SLC2A1: variants seen among roughly 807,000 people sequenced by gnomAD.
SLC2A1 encodes solute carrier family 2, facilitated glucose transporter member 1.
Under a neutral mutation model 46.6 loss-of-function variants are expected in SLC2A1, and 4 were observed. The observed-to-expected ratio is 0.09, with a 90% CI of 0.04 to 0.20. The LOEUF is 0.20. SLC2A1 is among the 10% of genes least tolerant of loss of function. The pLI, the probability that SLC2A1 is intolerant of heterozygous loss-of-function variation, is 1.00. For synonymous variants in SLC2A1, 253 were observed against 270.0 expected (o/e 0.94, Z 0.62); for missense variants, 352 against 667.0 (o/e 0.53, Z 5.20).
intron 1 of SLC2A1, among the ~76,000 whole-genome samples, chr1:42,953,870 C>T (rs374394954): frequency 6.6e-6 from 1 of 152,326 alleles, no homozygotes. Context: ...GGGCTGTTTA[C>T]ATCATTTGTA....
intron 1 of SLC2A1, among the ~76,000 whole-genome samples, chr1:42,945,639 T>C (rs1164678090): frequency 6.6e-6 from 1 of 151,210 alleles, no homozygotes; most frequent in African/African-American, 2.4e-5. Context: ...TCCCAACTAC[T>C]TGGGAGGCTG....
Position 42,930,532 on chromosome 1 carries a change from G to A in SLC2A1, c.516+94C>T, listed in dbSNP as rs1366236009. ...TCTGCAAGGCTGTGGGGGCTGGGCG[G>A]AAGAGAAACTCTGCCCTGCTGGGCA... On this transcript the variant is annotated intron_variant, in intron 4 of 9. Coordinates refer to ENST00000426263, the MANE Select transcript of SLC2A1 (RefSeq NM_006516.4). The surrounding 1 kb of genome is among the most constrained non-coding windows in gnomAD (Gnocchi z 6.2). The A allele has an allele frequency of 2.6e-6, 4 of 1,546,704 alleles. No homozygotes were observed. The highest frequency in any genetic ancestry group is 3.5e-6 in the Non-Finnish European group (4 of 1,131,592).
intron 8 of SLC2A1, among the ~76,000 whole-genome samples, chr1:42,928,253 T>G (rs988216005): frequency 1.3e-5 from 2 of 152,112 alleles, no homozygotes; most frequent in African/African-American, 4.8e-5. Context: ...GGTAGAAAAT[T>G]TATGGGCTTT....
At chr1:42,942,108 A>G (rs1335665328) in intron 2 of SLC2A1, among the ~76,000 whole-genome samples, 2 of 152,216 alleles carry the variant, frequency 1.3e-5, no homozygotes, top group Non-Finnish European at 2.9e-5. Flanking sequence ...TCTGGACAAG[A>G]AATGTGGTCC....
intron 1 of SLC2A1, among the ~76,000 whole-genome samples, chr1:42,953,839 T>TA (rs1643747521): frequency 6.6e-6 from 1 of 152,180 alleles, no homozygotes; most frequent in African/African-American, 2.4e-5. Flanking sequence ...GATGGCTCGG[T>TA]ACTAGACAAG....
intron 2 of SLC2A1, among the ~76,000 whole-genome samples, chr1:42,934,921 C>T (rs920475895): frequency 4.4e-4 from 67 of 152,188 alleles, no homozygotes; most frequent in Admixed American, 4.3e-3. Flanking sequence ...CCCGACTCTT[C>T]CTATCCACCA....
chr1:42,927,002 G>A lies in SLC2A1; in HGVS notation c.*39C>T. On this transcript the variant is annotated 3_prime_UTR_variant, in exon 10 of 10. Transcript: ENST00000426263. This position sits in a 1 kb window ranked among gnomAD's most constrained non-coding sequence, Gnocchi z 5.3. ...GCCTGTGCTCCTGAGAGATCCTTAG[G>A]GCTGCTGGGAGCAGGCCGGGCTGGT... 1 of 1,607,594 alleles carries A rather than the reference G, an allele frequency of 6.2e-7. No homozygotes were observed. The highest frequency in any genetic ancestry group is 8.5e-7 in the Non-Finnish European group (1 of 1,175,348).
intron 2 of SLC2A1, among the ~76,000 whole-genome samples, chr1:42,937,623 G>A (rs1340653303): frequency 1.3e-5 from 2 of 152,220 alleles, no homozygotes; most frequent in Non-Finnish European, 2.9e-5. Flanking sequence ...TAACATTCCT[G>A]TGCCCCAGTT....
In SLC2A1 at chr1:42,943,256, G is replaced by T; in HGVS notation, c.84C>A (p.Tyr28Ter). 1 of 1,613,774 alleles carries T rather than the reference G, an allele frequency of 6.2e-7. No homozygotes were observed. The change falls in exon 2 of 10, where the codon TAC (tyrosine) becomes TAA (stop). Residue 28 changes from tyrosine (Y) to a stop codon, truncating the protein, a stop_gained. Coordinates refer to ENST00000426263, the MANE Select transcript of SLC2A1 (RefSeq NM_006516.4). LOFTEE classifies it high-confidence loss of function. The part of the protein sequence containing the change: ...GAVLGSLQFG[Y>*]NTGVINAPQK... ...GGGGGGCATTGATGACTCCAGTGTT[G>T]TAGCCAAACTGCAGGGAGCCAAGCA...
At chr1:42,941,703 C>A (rs1643599813) in intron 2 of SLC2A1, among the ~76,000 whole-genome samples, 1 of 152,208 alleles carries the variant, frequency 6.6e-6, no homozygotes, top group Admixed American at 6.5e-5. Flanking sequence ...CAATGTGCAA[C>A]CAAGTGGAGA....
rs576548773 is a variant in SLC2A1 at position 42,927,298 on chromosome 1, G to A, written c.1279-57C>T. 8.5e-6 allele frequency: 13 copies of A among 1,530,318 alleles called. No individual in the cohort carries two copies. The East Asian group carries it at 2.9e-4, about 35-fold the overall frequency. The allele number at this position is 1,530,318 out of a possible 1,614,324, so 94.8% of individuals were successfully genotyped here. On this transcript the variant is annotated intron_variant, in intron 9 of 9. Coordinates refer to ENST00000426263, the MANE Select transcript of SLC2A1 (RefSeq NM_006516.4). This position sits in a 1 kb window ranked among gnomAD's most constrained non-coding sequence, Gnocchi z 5.3. ...TCATGACCCTACATCCTGGCTGTAG[G>A]ACTTTGGATAAGTCACTTTACCTTT...
At chr1:42,955,302 A>T (rs1309627636) in intron 1 of SLC2A1, among the ~76,000 whole-genome samples, 1 of 152,166 alleles carries the variant, frequency 6.6e-6, no homozygotes, top group African/African-American at 2.4e-5. Context: ...GGGATTCAAA[A>T]CCACATATGC....
Position 42,940,263 on chromosome 1 carries a change from C to T in SLC2A1, c.114+2963G>A, listed in dbSNP as rs150529590. ...CCAATCGTAGTGAGGCTTCTATCCA[C>T]GCTGTGCCACCCAGTCAGCCCGAGT... On this transcript the variant is annotated intron_variant, in intron 2 of 9. Transcript: ENST00000426263. 1.7e-3 allele frequency among the ~76,000 whole-genome samples: 253 copies of T among 152,348 alleles called. 2 individuals are homozygous for T. The highest frequency in any genetic ancestry group is 7.7e-3 in the South Asian group (37 of 4,832).
chr1:42,948,024 G>C (rs553778708), intron 1 of SLC2A1, among the ~76,000 whole-genome samples: 1 of 152,250 alleles, frequency 6.6e-6, no homozygotes, highest in South Asian at 2.1e-4. Context: ...TTCAAATCCT[G>C]ACTCTCCTAG....
Position 42,958,847 on chromosome 1 carries a change from C to T in SLC2A1, c.-196G>A, listed in dbSNP as rs1202862251. 3.5e-6 allele frequency: 2 copies of T among 575,108 alleles called. No individual in the cohort carries two copies. The highest frequency in any genetic ancestry group is 2.0e-5 in the African/African-American group (1 of 50,714). The allele number at this position is 575,108 out of a possible 1,614,324, so 35.6% of individuals were successfully genotyped here. The stretch of plus-strand genomic sequence containing the variant: ...CCGCGACTAGCGACCGGCACGCTCG[C>T]TGTTGCTACCTCTTGCCTCTTGCCA... On this transcript the variant is annotated 5_prime_UTR_variant, in exon 1 of 10. Transcript: ENST00000426263.
At chr1:42,949,419 A>T (rs1643697665) in intron 1 of SLC2A1, among the ~76,000 whole-genome samples, 1 of 152,228 alleles carries the variant, frequency 6.6e-6, no homozygotes, top group Non-Finnish European at 1.5e-5. Context: ...TTGGTTTCCT[A>T]GCCTGGCATT....
chr1:42,930,186 C>G lies in SLC2A1; in HGVS notation c.517-151G>C. The G allele has an allele frequency of 1.2e-6, 1 of 854,712 alleles. No homozygotes were observed. Among genetic ancestry groups the G allele is most frequent in the Non-Finnish European group, 1.9e-6 (1 of 528,830 alleles). 52.9% of individuals were successfully genotyped at this position (854,712 alleles called of 1,614,324 possible). ...TGCCACTAGCATGAGCCCTGTTTCT[C>G]AGTTTCCTCATCGGTCACATGGGAA... On this transcript the variant is annotated intron_variant, in intron 4 of 9. Transcript: ENST00000426263. The surrounding 1 kb of genome is among the most constrained non-coding windows in gnomAD (Gnocchi z 6.2).
intron 1 of SLC2A1, among the ~76,000 whole-genome samples, chr1:42,958,182 C>A (rs897348101): frequency 5.9e-5 from 9 of 152,010 alleles, no homozygotes; most frequent in African/African-American, 2.2e-4. Flanking sequence ...GACTCCTCCG[C>A]GCGCCGGGGC....
In SLC2A1 at chr1:42,925,377, C is replaced by T. The variant is rs937739331; in HGVS notation, c.*1664G>A. ...ATTTTGTCAGCTGAGCCTCTAGAGA[C>T]AAATATCTTTGGTGTTTTATTTCCT... On this transcript the variant is annotated 3_prime_UTR_variant, in exon 10 of 10. Transcript: ENST00000426263. 6.6e-6 allele frequency: 1 copy of T among 152,166 alleles called. No homozygotes were observed. Among genetic ancestry groups the T allele is most frequent in the Non-Finnish European group, 1.5e-5 (1 of 68,036 alleles). The allele number at this position is 152,166 out of a possible 1,614,324, so 9.4% of individuals were successfully genotyped here.
Sources: allele counts gnomAD v4.1 joint callset (sites outside exome capture counted in the v4.1 genomes callset), GRCh38; gene constraint gnomAD v4.1.1; non-coding constraint Gnocchi (gnomAD v3.1); transcripts MANE v1.5; gene names NCBI Gene and HGNC (gene_info 2026-07-23, HGNC 2026-07-21).